The following NPIPB9 variants were observed in gnomAD, a reference collection of about 807,000 sequenced individuals.
NPIPB9 encodes nuclear pore complex-interacting protein family member B9.
In NPIPB9, 1 loss-of-function variant was observed where a neutral mutation model predicts 5.6. That is an observed-to-expected ratio of 0.18 (90% confidence interval 0.06 to 0.84). The LOEUF (loss-of-function observed/expected upper bound fraction) is 0.84, where lower values mean the gene tolerates loss of function less well. Ranked by LOEUF, NPIPB9 falls within the 40% of genes least tolerant of loss-of-function variation. NPIPB9 has a pLI of 0.70. For synonymous variants in NPIPB9, 2 were observed against 12.5 expected, an observed-to-expected ratio of 0.16 and a Z score of 1.77; for missense variants, 3 against 39.1, an observed-to-expected ratio of 0.08 and a Z score of 2.46.
chr16:28,756,411 G>A (rs2048823949), intron 1 of NPIPB9, among the ~76,000 whole-genome samples: 1 of 110,052 alleles, frequency 9.1e-6, no homozygotes, highest in South Asian at 2.6e-4. Flanking sequence ...CACCATGTTG[G>A]TCAGGCTGGT....
intron 2 of NPIPB9, among the ~76,000 whole-genome samples, chr16:28,761,881 C>CAAA (rs71292756): frequency 1.1e-4 from 1 of 8,904 alleles, no homozygotes. Context: ...ACTCTGTCTC[C>CAAA]AAAAAAAAAA....
intron 5 of NPIPB9, among the ~76,000 whole-genome samples, chr16:28,767,301 T>C (rs1247251822): frequency 9.4e-6 from 1 of 106,508 alleles, no homozygotes; most frequent in African/African-American, 3.4e-5. Flanking sequence ...GTTCAAGTGA[T>C]TCTTATCCCT....
chr16:28,765,601 G>C (rs1382378829), intron 3 of NPIPB9, among the ~76,000 whole-genome samples: 9 of 41,560 alleles, frequency 2.2e-4, no homozygotes, highest in Non-Finnish European at 4.2e-4. Flanking sequence ...AGCAGAGACA[G>C]CGTTTCTCCA....
chr16:28,754,936 CT>C (rs2048763366), intron 1 of NPIPB9, among the ~76,000 whole-genome samples: 1 of 130,374 alleles, frequency 7.7e-6, no homozygotes, highest in Non-Finnish European at 1.7e-5. Context: ...CAGTAAATCT[CT>C]GACTGCCTCA....
At chr16:28,765,740 T>C (rs1315399547) in intron 3 of NPIPB9, among the ~76,000 whole-genome samples, 6 of 80,800 alleles carry the variant, frequency 7.4e-5, no homozygotes, top group African/African-American at 1.1e-4. Flanking sequence ...TGTGTGTGTG[T>C]GTGTGTGTGT....
chr16:28,760,646 T>C (rs2049040816), intron 2 of NPIPB9, among the ~76,000 whole-genome samples: 1 of 43,296 alleles, frequency 2.3e-5, no homozygotes, highest in Non-Finnish European at 4.0e-5. Flanking sequence ...TTTTAAGCAC[T>C]AAAATTTGAC....
At chr16:28,765,335 C>A (rs1190252813) in intron 3 of NPIPB9, among the ~76,000 whole-genome samples, 2 of 21,246 alleles carry the variant, frequency 9.4e-5, no homozygotes, top group South Asian at 2.6e-3. Flanking sequence ...ATCTCTTGAC[C>A]TTGTGATTCA....
Position 28,752,515 on chromosome 16 carries a change from C to T in NPIPB9, c.-53C>T, listed in dbSNP as rs140561831. On this transcript the variant is annotated 5_prime_UTR_variant, in exon 1 of 8. Coordinates refer to ENST00000550983, the Ensembl canonical transcript of NPIPB9. ...TGTCCTGACCCCACAGTTCCTGTCG[C>T]ATGACCAGAGCCAGTTCACCAAGGA... 1.0e-3 allele frequency: 1,432 copies of T among 1,384,378 alleles called. 227 individuals carry two copies. In the African/African-American group the frequency reaches 0.019, roughly 19 times the overall value. 85.8% of individuals were successfully genotyped at this position (1,384,378 alleles called of 1,614,324 possible).
chr16:28,765,721 T>TTG (rs761146509), intron 3 of NPIPB9, among the ~76,000 whole-genome samples: 1,574 of 37,978 alleles, frequency 0.041, 52 homozygotes, highest in Admixed American at 0.045. Context: ...CATGTCATTC[T>TTG]TGTGTGTGTG....
chr16:28,758,641 C>A (rs1465291172), intron 2 of NPIPB9: 1 of 442,378 alleles, frequency 2.3e-6, no homozygotes, highest in Non-Finnish European at 3.8e-6. Flanking sequence ...TTCCCTCCCC[C>A]CTGCCCTAAG....
Position 28,752,873 on chromosome 16 carries a change from T to G in NPIPB9, c.25+281T>G, listed in dbSNP as rs1308934857. ...CAAGTGCCCAACGACACTTAAAAAG[T>G]TTATTTATTATCTTGCCAAGTTTAG... On this transcript the variant is annotated intron_variant, in intron 1 of 7. Transcript: ENST00000550983. 1.4e-4 allele frequency among the ~76,000 whole-genome samples: 16 copies of G among 117,446 alleles called. No individual in the cohort carries two copies. In the East Asian group the frequency reaches 1.5e-3, roughly 11 times the overall value. 77.0% of individuals were successfully genotyped at this position (117,446 alleles called of 152,430 possible). A position where few individuals can be genotyped will look rare whatever the true frequency, so the allele number is the denominator to read the frequency against.
Position 28,753,008 on chromosome 16 carries a change from C to T in NPIPB9, c.25+416C>T, listed in dbSNP as rs2048681241. On this transcript the variant is annotated intron_variant, in intron 1 of 7. Transcript: ENST00000550983. ...CAGCCTGACCAATATGGCAAAATCT[C>T]GTCCCTACTAAAAATACAAAAATTA... Among the ~76,000 whole-genome samples, 2 of 113,888 alleles carry T rather than the reference C, an allele frequency of 1.8e-5. 1 individual carries two copies. Among genetic ancestry groups the T allele is most frequent in the Non-Finnish European group, 4.0e-5 (2 of 50,260 alleles). 74.7% of individuals were successfully genotyped at this position (113,888 alleles called of 152,430 possible). A position where few individuals can be genotyped will look rare whatever the true frequency, so the allele number is the denominator to read the frequency against.
intron 1 of NPIPB9, among the ~76,000 whole-genome samples, chr16:28,753,527 T>TACATACACACACACACACACACACAC: frequency 2.5e-5 from 1 of 40,694 alleles, no homozygotes; most frequent in African/African-American, 8.0e-5. Context: ...CACACACACA[T>TACATACACACACACACACACACACAC]ACATACACAC....
At chr16:28,767,356 C>T (rs1282254741) in intron 5 of NPIPB9, among the ~76,000 whole-genome samples, 4 of 92,386 alleles carry the variant, frequency 4.3e-5, no homozygotes, top group East Asian at 2.5e-4. Flanking sequence ...CCACCATGCC[C>T]GGATAATTTT....
At chr16:28,767,140 G>T (rs1305666380) in intron 5 of NPIPB9, among the ~76,000 whole-genome samples, 1 of 56,456 alleles carries the variant, frequency 1.8e-5, no homozygotes. Flanking sequence ...AAGCAATTCT[G>T]CCTCAGCTTC....
intron 2 of NPIPB9, among the ~76,000 whole-genome samples, chr16:28,759,187 A>C (rs1488122283): frequency 1.5e-5 from 1 of 65,468 alleles, no homozygotes; most frequent in Non-Finnish European, 3.1e-5. Context: ...ACAGAGTCTC[A>C]CTCTGTCGCC....
At chr16:28,767,284 T>C (rs1279338602) in intron 5 of NPIPB9, among the ~76,000 whole-genome samples, 3 of 106,896 alleles carry the variant, frequency 2.8e-5, no homozygotes, top group East Asian at 4.4e-4. Context: ...CAACCTCTGC[T>C]TCCCAGGTTC....
intron 1 of NPIPB9, among the ~76,000 whole-genome samples, chr16:28,754,809 T>G (rs2048757660): frequency 7.0e-6 from 1 of 143,216 alleles, no homozygotes; most frequent in Non-Finnish European, 1.6e-5. Flanking sequence ...AGGTGGAGTT[T>G]GTCCCAGAGC....
At chr16:28,759,283 G>A (rs1272916034) in intron 2 of NPIPB9, among the ~76,000 whole-genome samples, 232 of 100,068 alleles carry the variant, frequency 2.3e-3, no homozygotes, top group Admixed American at 6.4e-3. Flanking sequence ...AGCCTCCTGA[G>A]TAGCTCAGAT....
Sources: gnomAD v4.1 joint callset for allele counts (sites outside exome capture counted in the v4.1 genomes callset) on GRCh38, gnomAD v4.1.1 for gene constraint, MANE v1.5 for transcripts, NCBI Gene and HGNC (gene_info 2026-07-23, HGNC 2026-07-21) for gene names.